WWOX: variants seen among roughly 807,000 people sequenced by gnomAD.
WWOX encodes WW domain containing oxidoreductase, also known as WW domain-containing oxidoreductase.
WWOX carries 69 observed loss-of-function variants against 46.2 expected under a neutral mutation model. That is an observed-to-expected ratio of 1.49 (90% confidence interval 1.23 to 1.82). WWOX has a LOEUF of 1.82. Among genes scored for constraint, WWOX ranks in the 40% most tolerant of loss-of-function variants. The probability of loss-of-function intolerance (pLI) is 0.00; values close to 1 mark genes in which losing one functional copy is unlikely to be tolerated. For missense variants in WWOX, 919 were observed against 542.6 expected (o/e 1.69, Z -6.89); for synonymous variants, 359 against 202.6 (o/e 1.77, Z -6.56).
intron 6 of WWOX, among the ~76,000 whole-genome samples, chr16:78,421,331 C>T (rs1204038965): frequency 6.6e-6 from 1 of 152,028 alleles, no homozygotes; most frequent in Non-Finnish European, 1.5e-5. Flanking sequence ...GCCAGCCACC[C>T]TTGGAATTTC....
chr16:78,868,574 C>T (rs999608728), intron 8 of WWOX, among the ~76,000 whole-genome samples: 1 of 152,186 alleles, frequency 6.6e-6, no homozygotes, highest in African/African-American at 2.4e-5. Context: ...ACCATTAAAT[C>T]AGGTGACTGA....
intron 8 of WWOX, among the ~76,000 whole-genome samples, chr16:78,997,290 T>G (rs1164380647): frequency 6.6e-6 from 1 of 152,184 alleles, no homozygotes; most frequent in Non-Finnish European, 1.5e-5. Flanking sequence ...ATAAGGTCCT[T>G]TCCTTAAAAC....
At chr16:78,421,206 C>T (rs994749419) in intron 6 of WWOX, among the ~76,000 whole-genome samples, 22 of 152,168 alleles carry the variant, frequency 1.4e-4, no homozygotes, top group African/African-American at 5.3e-4. Context: ...CAGAATTTTA[C>T]TCTCTTACAG....
chr16:78,310,782 C>T (rs986609401), intron 5 of WWOX, among the ~76,000 whole-genome samples: 1 of 152,180 alleles, frequency 6.6e-6, no homozygotes, highest in Non-Finnish European at 1.5e-5. Context: ...TGTGTCAGCC[C>T]ATTTTCATCT....
intron 8 of WWOX, among the ~76,000 whole-genome samples, chr16:78,672,121 C>G (rs990012820): frequency 6.6e-6 from 1 of 152,092 alleles, no homozygotes; most frequent in Non-Finnish European, 1.5e-5. Flanking sequence ...TTTAGGATAC[C>G]GGCAGGGCAG....
intron 8 of WWOX, among the ~76,000 whole-genome samples, chr16:78,957,782 C>G (rs1226417676): frequency 2.6e-5 from 4 of 152,190 alleles, no homozygotes; most frequent in South Asian, 2.1e-4. Flanking sequence ...AGAATTAGGA[C>G]TCTCTTGTCC....
chr16:78,310,894 CTTG>C (rs2080229142), intron 5 of WWOX, among the ~76,000 whole-genome samples: 3 of 152,184 alleles, frequency 2.0e-5, no homozygotes, highest in South Asian at 2.1e-4. Flanking sequence ...TAGGGGCACC[CTTG>C]TTGTCACGAT....
chr16:79,126,937 A>C (rs552577491), intron 8 of WWOX, among the ~76,000 whole-genome samples: 11 of 152,254 alleles, frequency 7.2e-5, no homozygotes, highest in African/African-American at 2.6e-4. Flanking sequence ...GAAGTAATTT[A>C]TGTATCACAG....
intron 8 of WWOX, among the ~76,000 whole-genome samples, chr16:78,660,299 A>G (rs897304220): frequency 6.6e-6 from 1 of 152,172 alleles, no homozygotes; most frequent in Non-Finnish European, 1.5e-5. Flanking sequence ...ACTTCCGTAC[A>G]CTAAAGGTCC....
chr16:78,104,231 A>AATACAC lies in WWOX; in HGVS notation c.108-4191_108-4190insTACACA, dbSNP rs1555534029. On this transcript the variant is annotated intron_variant, in intron 1 of 8. Transcript: ENST00000566780. ...CCCTGCTAACTTACACTGTGCTCAA[A>AATACAC]ACACACACACACACACACACACACA... Among the ~76,000 whole-genome samples, 24 of 130,224 alleles carry AATACAC rather than the reference A, an allele frequency of 1.8e-4. No individual in the cohort carries two copies. In the East Asian group the frequency reaches 5.6e-3, roughly 30 times the overall value. 85.4% of individuals were successfully genotyped at this position (130,224 alleles called of 152,430 possible). A position where few individuals can be genotyped will look rare whatever the true frequency, so the allele number is the denominator to read the frequency against.
chr16:78,638,217 A>G (rs2046621094), intron 8 of WWOX, among the ~76,000 whole-genome samples: 1 of 152,236 alleles, frequency 6.6e-6, no homozygotes, highest in Admixed American at 6.5e-5. Context: ...CCCATTTTGC[A>G]GACAAGCCAA....
intron 8 of WWOX, among the ~76,000 whole-genome samples, chr16:79,144,253 C>T (rs1474998009): frequency 6.6e-6 from 1 of 152,188 alleles, no homozygotes; most frequent in Non-Finnish European, 1.5e-5. Flanking sequence ...GCTCTCCAAT[C>T]CCCCAGCTGT....
At chr16:78,633,934 C>T (rs1477237289) in intron 8 of WWOX, among the ~76,000 whole-genome samples, 5 of 147,300 alleles carry the variant, frequency 3.4e-5, no homozygotes, top group Non-Finnish European at 3.0e-5. Flanking sequence ...TTGCTGAGAA[C>T]AGTTCCAGCT....
At chr16:78,797,487 C>G (rs1259803267) in intron 8 of WWOX, among the ~76,000 whole-genome samples, 2 of 151,836 alleles carry the variant, frequency 1.3e-5, no homozygotes, top group African/African-American at 2.4e-5. Flanking sequence ...TAGAGATGTT[C>G]TCGAGGCAGC....
chr16:78,141,640 T>C (rs2033991977), intron 4 of WWOX, among the ~76,000 whole-genome samples: 1 of 152,200 alleles, frequency 6.6e-6, no homozygotes, highest in African/African-American at 2.4e-5. Context: ...GTAGACATAC[T>C]TCCATTAAAT....
At chr16:78,729,469 G>C (rs1224118625) in intron 8 of WWOX, among the ~76,000 whole-genome samples, 1 of 152,164 alleles carries the variant, frequency 6.6e-6, no homozygotes, top group African/African-American at 2.4e-5. Flanking sequence ...CCTTATGGAA[G>C]AAGGTCAGAG....
chr16:79,197,165 C>T (rs2051257197), intron 8 of WWOX, among the ~76,000 whole-genome samples: 3 of 152,146 alleles, frequency 2.0e-5, no homozygotes, highest in Admixed American at 6.5e-5. Context: ...ACCATTCTGT[C>T]CTTCAGGTAC....
At chr16:79,087,189 C>T (rs138074471) in intron 8 of WWOX, among the ~76,000 whole-genome samples, 79 of 152,264 alleles carry the variant, frequency 5.2e-4, no homozygotes, top group African/African-American at 1.8e-3. Flanking sequence ...GGGGAAATGC[C>T]ATGATTTCAA....
intron 8 of WWOX, among the ~76,000 whole-genome samples, chr16:78,659,590 C>G (rs550849551): frequency 1.3e-5 from 2 of 152,052 alleles, no homozygotes; most frequent in Non-Finnish European, 2.9e-5. Context: ...TCAAATGTTT[C>G]CAAAGTGCAC....
Sources: allele counts gnomAD v4.1 joint callset (sites outside exome capture counted in the v4.1 genomes callset), GRCh38; gene constraint gnomAD v4.1.1; transcripts MANE v1.5; gene names NCBI Gene and HGNC (gene_info 2026-07-23, HGNC 2026-07-21).